The following FAM3C variants were observed in gnomAD, a reference collection of about 807,000 sequenced individuals.
FAM3C encodes the protein FAM3 metabolism regulating signaling molecule C.
FAM3C carries 15 observed loss-of-function variants against 32.5 expected under a neutral mutation model. That is an observed-to-expected ratio of 0.46 (90% CI 0.31 to 0.71). FAM3C has a LOEUF of 0.71. FAM3C is among the 30% of genes least tolerant of loss of function. FAM3C has a pLI of 0.05. For synonymous variants in FAM3C, 75 were observed against 86.1 expected (o/e 0.87, Z 0.72); for missense variants, 175 against 274.4 (o/e 0.64, Z 2.56).
At chr7:121,385,529 AAC>A (rs1794449324) in intron 1 of FAM3C, among the ~76,000 whole-genome samples, 1 of 152,164 alleles carries the variant, frequency 6.6e-6, no homozygotes, top group Non-Finnish European at 1.5e-5. Context: ...TGACAATTTA[AAC>A]ATTCCTTTGG....
chr7:121,370,358 G>C (rs2707492), intron 5 of FAM3C, among the ~76,000 whole-genome samples: 38,788 of 151,888 alleles, frequency 0.26, 5,921 homozygotes, highest in African/African-American at 0.44. Context: ...AAAGAGGCTA[G>C]GATAAAAATT....
intron 7 of FAM3C, among the ~76,000 whole-genome samples, chr7:121,360,775 C>T (rs1338687454): frequency 2.6e-5 from 4 of 151,990 alleles, no homozygotes; most frequent in Non-Finnish European, 5.9e-5. Flanking sequence ...GTGGAGGTTG[C>T]GGTGAGCTGA....
chr7:121,382,582 T>C (rs1477463150), intron 2 of FAM3C, among the ~76,000 whole-genome samples: 2 of 151,026 alleles, frequency 1.3e-5, no homozygotes, highest in East Asian at 3.9e-4. Context: ...TTTTAGAATA[T>C]TTGCATCATA....
In FAM3C at chr7:121,364,195, G is replaced by T; in HGVS notation, c.273-7C>A. 1 of 1,558,426 alleles carries T rather than the reference G, an allele frequency of 6.4e-7. No individual in the cohort carries two copies. Among genetic ancestry groups the T allele is most frequent in the Non-Finnish European group, 8.8e-7 (1 of 1,131,322 alleles). ...CTTAACACCACTCATTAAACTGAAG[G>T]GGGAGAAATTGAAATAAATTTAGAA... On this transcript the variant is annotated splice_region_variant and splice_polypyrimidine_tract_variant and intron_variant, in intron 5 of 9. Transcript: ENST00000359943.
At chr7:121,372,513 G>A (rs1794168979) in intron 3 of FAM3C, among the ~76,000 whole-genome samples, 1 of 152,100 alleles carries the variant, frequency 6.6e-6, no homozygotes, top group African/African-American at 2.4e-5. Context: ...CTGCTGTATG[G>A]TGTTGTACAG....
intron 5 of FAM3C, 154 bp from the exon 6 acceptor site, chr7:121,364,342 A>G (rs1793983464): frequency 1.7e-6 from 1 of 596,420 alleles, no homozygotes; most frequent in Non-Finnish European, 3.0e-6. Context: ...ACTAAGTCAG[A>G]GAAGACAGTC....
chr7:121,356,393 A>T (rs886416232), intron 8 of FAM3C, among the ~76,000 whole-genome samples: 1 of 152,200 alleles, frequency 6.6e-6, no homozygotes, highest in African/African-American at 2.4e-5. Context: ...AAAAGAGAAA[A>T]CTAAAAGAAA....
chr7:121,363,998 G>T, intron 6 of FAM3C, 132 bp downstream of exon 6: 1 of 621,412 alleles, frequency 1.6e-6, no homozygotes, highest in Non-Finnish European at 2.9e-6. Flanking sequence ...ATTTTTTGCA[G>T]GGCAGGGATG....
intron 3 of FAM3C, among the ~76,000 whole-genome samples, chr7:121,374,696 C>T (rs1794208605): frequency 6.6e-6 from 1 of 152,168 alleles, no homozygotes; most frequent in Admixed American, 6.5e-5. Flanking sequence ...GATTGGCAAC[C>T]AGTAAGGTTA....
intron 8 of FAM3C, among the ~76,000 whole-genome samples, chr7:121,353,659 A>G (rs934624179): frequency 1.3e-5 from 2 of 152,324 alleles, no homozygotes; most frequent in African/African-American, 2.4e-5. Context: ...GCAACAGGTT[A>G]GGCAGAGGGT....
At chr7:121,351,706 A>G (rs1435494513) in intron 8 of FAM3C, among the ~76,000 whole-genome samples, 1 of 152,228 alleles carries the variant, frequency 6.6e-6, no homozygotes, top group Non-Finnish European at 1.5e-5. Flanking sequence ...TGCTGACAAA[A>G]ATCTGTATGT....
intron 5 of FAM3C, among the ~76,000 whole-genome samples, chr7:121,370,893 G>A (rs1584698358): frequency 2.6e-5 from 4 of 152,194 alleles, no homozygotes; most frequent in South Asian, 4.1e-4. Context: ...TGAACCACAT[G>A]TGGCCACTGA....
intron 3 of FAM3C, among the ~76,000 whole-genome samples, chr7:121,372,403 C>T (rs1361131832): frequency 6.6e-6 from 1 of 151,968 alleles, no homozygotes; most frequent in Non-Finnish European, 1.5e-5. Flanking sequence ...ATTTTAGTTA[C>T]TATATATTTA....
At chr7:121,385,431 A>G (rs1476503567) in intron 1 of FAM3C, among the ~76,000 whole-genome samples, 1 of 152,200 alleles carries the variant, frequency 6.6e-6, no homozygotes, top group Non-Finnish European at 1.5e-5. Context: ...GACAGCCACC[A>G]CAATGTCGCT....
intron 1 of FAM3C, among the ~76,000 whole-genome samples, chr7:121,383,290 T>G (rs1041775745): frequency 4.6e-5 from 7 of 152,188 alleles, no homozygotes; most frequent in Non-Finnish European, 7.3e-5. Context: ...GCCTTCTTAT[T>G]CTCATGGATT....
At chr7:121,371,188 C>T in intron 5 of FAM3C, 112 bp downstream of exon 5, 2 of 1,265,504 alleles carry the variant, frequency 1.6e-6, no homozygotes, top group Non-Finnish European at 2.2e-6. Flanking sequence ...ATGGAAATCA[C>T]TTTCCATTAA....
chr7:121,380,239 G>A (rs1001811841), intron 2 of FAM3C: 1 of 152,100 alleles, frequency 6.6e-6, no homozygotes, highest in African/African-American at 2.4e-5. Flanking sequence ...ATAGGCACAT[G>A]CAACCAGAGA....
At chr7:121,373,605 C>A (rs1297282083) in intron 3 of FAM3C, among the ~76,000 whole-genome samples, 2 of 152,130 alleles carry the variant, frequency 1.3e-5, no homozygotes, top group African/African-American at 2.4e-5. Context: ...TTCAGTAAGT[C>A]GGGCTAATGA....
At chr7:121,354,131 CA>C (rs1793763364) in intron 8 of FAM3C, among the ~76,000 whole-genome samples, 1 of 152,044 alleles carries the variant, frequency 6.6e-6, no homozygotes, top group African/African-American at 2.4e-5. Flanking sequence ...AATCATGTAA[CA>C]TAGCCAGTAT....
Sources: allele counts gnomAD v4.1 joint callset (sites outside exome capture counted in the v4.1 genomes callset), GRCh38; gene constraint gnomAD v4.1.1; transcripts MANE v1.5; gene names NCBI Gene and HGNC (gene_info 2026-07-23, HGNC 2026-07-21).